Variants in DMD observed in about 807,000 individuals in gnomAD.
The protein encoded by DMD is mutant dystrophin.
Under a neutral mutation model 330.1 loss-of-function variants are expected in DMD, and 63 were observed. The ratio of observed to expected loss-of-function variants is 0.19; its 90% CI spans 0.16 to 0.24. DMD has a LOEUF of 0.24. DMD is among the 10% of genes least tolerant of loss of function. The pLI is 1.00. For synonymous variants in DMD, 1,223 were observed against 959.8 expected (o/e 1.27, Z -5.07); for missense variants, 3,344 against 2,684.1 (o/e 1.25, Z -5.43).
intron 1 of DMD, among the ~76,000 whole-genome samples, chrX:33,115,245 T>G (rs908779169): frequency 1.2e-4 from 14 of 112,105 alleles, no homozygotes; most frequent in Admixed American, 1.9e-4. Context: ...CTTTACTTTC[T>G]TCAGGGATAT....
At chrX:32,652,562 G>A (rs184762676) in intron 9 of DMD, among the ~76,000 whole-genome samples, 99 of 110,425 alleles carry the variant, frequency 9.0e-4, no homozygotes, top group South Asian at 6.7e-3. Context: ...TTGGTTCCAA[G>A]TCTTTGCTAT....
intron 21 of DMD, among the ~76,000 whole-genome samples, chrX:32,482,544 G>C (rs1174748310): frequency 9.0e-6 from 1 of 111,577 alleles, no homozygotes. Flanking sequence ...TCTTCATATA[G>C]TCATCACTGG....
intron 47 of DMD, among the ~76,000 whole-genome samples, chrX:31,884,163 G>T (rs967950839): frequency 9.0e-6 from 1 of 111,654 alleles, no homozygotes; most frequent in African/African-American, 3.3e-5. Context: ...CAAAAGAACT[G>T]AAATCAGTAT....
At chrX:33,050,340 A>C (rs1329427433) in intron 1 of DMD, among the ~76,000 whole-genome samples, 1 of 112,110 alleles carries the variant, frequency 8.9e-6, no homozygotes, top group Non-Finnish European at 1.9e-5. Flanking sequence ...AAAAGGTCTT[A>C]AGTGCCCCAG....
chrX:31,644,697 G>T (rs1311022036), intron 54 of DMD, among the ~76,000 whole-genome samples: 1 of 112,028 alleles, frequency 8.9e-6, no homozygotes, highest in Non-Finnish European at 1.9e-5. Flanking sequence ...CCAAGCCACT[G>T]GTTTGCCAAG....
At chrX:32,444,038 T>A (rs2098293372) in intron 27 of DMD, among the ~76,000 whole-genome samples, 1 of 110,448 alleles carries the variant, frequency 9.1e-6, no homozygotes, top group African/African-American at 3.3e-5. Context: ...AAAATCAAGC[T>A]TATAAAAATA....
chrX:32,556,375 A>C (rs2050301938), intron 16 of DMD, among the ~76,000 whole-genome samples: 1 of 111,685 alleles, frequency 9.0e-6, no homozygotes, highest in African/African-American at 3.3e-5. Context: ...GGGAGTGTAA[A>C]TTAGTTCAAC....
chrX:32,801,775 C>T (rs2076586539), intron 7 of DMD, among the ~76,000 whole-genome samples: 1 of 111,012 alleles, frequency 9.0e-6, no homozygotes, highest in South Asian at 3.8e-4. Context: ...AATGCTTTCC[C>T]CATTGCTTGT....
At chrX:32,012,625 T>C (rs16990043) in intron 44 of DMD, among the ~76,000 whole-genome samples, 14,899 of 111,330 alleles carry the variant, frequency 0.13, 1,339 homozygotes, top group African/African-American at 0.31. Context: ...TCAGCTAACT[T>C]CTTAATGCCA....
chrX:32,375,052 G>T (rs1400249280), intron 34 of DMD, among the ~76,000 whole-genome samples: 1 of 110,926 alleles, frequency 9.0e-6, no homozygotes, highest in East Asian at 2.8e-4. Context: ...GAATAGAAGT[G>T]TTCTTAAGGA....
chrX:32,356,398 A>G (rs2097800606), intron 37 of DMD, among the ~76,000 whole-genome samples: 1 of 108,127 alleles, frequency 9.2e-6, no homozygotes. Context: ...AAAAAAAAAA[A>G]AAAAAAAACT....
At chrX:31,183,990 T>C (rs2041461934) in intron 67 of DMD, among the ~76,000 whole-genome samples, 1 of 109,538 alleles carries the variant, frequency 9.1e-6, no homozygotes, top group African/African-American at 3.3e-5. Context: ...GCTCCTGCAA[T>C]CTCCGCCTCC....
chrX:32,660,573 C>A (rs2060882716), intron 9 of DMD, among the ~76,000 whole-genome samples: 1 of 111,272 alleles, frequency 9.0e-6, no homozygotes, highest in African/African-American at 3.3e-5. Context: ...CACCAAATAT[C>A]CATTTTTAAA....
intron 78 of DMD, among the ~76,000 whole-genome samples, chrX:31,123,263 G>T (rs965039727): frequency 9.0e-6 from 1 of 111,535 alleles, no homozygotes; most frequent in Admixed American, 9.5e-5. Flanking sequence ...TTCTATTAAG[G>T]TGACCAAGTT....
chrX:31,947,005 C>CAT (rs1016276785), intron 45 of DMD, among the ~76,000 whole-genome samples: 6 of 111,349 alleles, frequency 5.4e-5, no homozygotes, highest in Non-Finnish European at 1.1e-4. Flanking sequence ...AAATTTGTGT[C>CAT]ATATATATAG....
At chrX:32,392,403 T>C (rs1002160068) in intron 30 of DMD, among the ~76,000 whole-genome samples, 1 of 111,175 alleles carries the variant, frequency 9.0e-6, no homozygotes, top group South Asian at 3.8e-4. Context: ...CGATTACAGG[T>C]GCCCACCACC....
At chrX:32,106,508 G>A (rs1250200626) in intron 44 of DMD, among the ~76,000 whole-genome samples, 1 of 111,868 alleles carries the variant, frequency 8.9e-6, no homozygotes, top group Non-Finnish European at 1.9e-5. Flanking sequence ...AGCTTTCTGT[G>A]CTTCAGTTTC....
intron 4 of DMD, among the ~76,000 whole-genome samples, chrX:32,826,949 T>C (rs993322648): frequency 2.7e-5 from 3 of 110,237 alleles, no homozygotes; most frequent in Non-Finnish European, 3.8e-5. Flanking sequence ...CTACATGGTA[T>C]ATACAATTTT....
At chrX:31,547,579 C>T (rs1028375783) in intron 55 of DMD, among the ~76,000 whole-genome samples, 1 of 111,874 alleles carries the variant, frequency 8.9e-6, no homozygotes, top group Non-Finnish European at 1.9e-5. Context: ...GCTAAAACCA[C>T]CCCACACTAG....
Sources: allele counts gnomAD v4.1 joint callset (sites outside exome capture counted in the v4.1 genomes callset), GRCh38; gene constraint gnomAD v4.1.1; transcripts MANE v1.5; gene names NCBI Gene and HGNC (gene_info 2026-07-23, HGNC 2026-07-21).